PPL: variants seen among roughly 807,000 people sequenced by gnomAD.
PPL encodes 190 kDa paraneoplastic pemphigus antigen.
PPL carries 198 observed loss-of-function variants against 194.4 expected under a neutral mutation model. The observed-to-expected ratio is 1.02, with a 90% confidence interval of 0.91 to 1.15. The LOEUF is 1.15. Ranked by LOEUF, PPL falls within the 50% of genes most tolerant of loss-of-function variation. The probability of loss-of-function intolerance (pLI) is 0.00; values close to 1 mark genes in which losing one functional copy is unlikely to be tolerated. For missense variants in PPL, 2,885 were observed against 2,294.8 expected, an observed-to-expected ratio of 1.26 and a Z score of -5.25; for synonymous variants, 1,220 against 972.4, an observed-to-expected ratio of 1.25 and a Z score of -4.74.
Position 4,883,209 on chromosome 16 carries a change from G to A in PPL, c.*175C>T. ...ATGATGGTTGGGACGAGAGTTGCCT[G>A]TCTTCAGCCAGTGCCTGTCTCATAT... On this transcript the variant is annotated 3_prime_UTR_variant, in exon 22 of 22. Coordinates refer to ENST00000345988, the MANE Select transcript of PPL (RefSeq NM_002705.5). The surrounding 1 kb of genome is among the most constrained non-coding windows in gnomAD (Gnocchi z 4.8). 1 of 791,356 alleles carries A rather than the reference G, an allele frequency of 1.3e-6. No individual in the cohort carries two copies. Among genetic ancestry groups the A allele is most frequent in the Non-Finnish European group, 2.0e-6 (1 of 500,054 alleles). The allele number at this position is 791,356 out of a possible 1,614,324, so 49.0% of individuals were successfully genotyped here.
intron 17 of PPL, 109 bp from the exon 18 acceptor site, chr16:4,890,443 C>G: frequency 1.5e-6 from 2 of 1,335,088 alleles, no homozygotes; most frequent in Admixed American, 2.8e-5. Context: ...CCAGAAATAC[C>G]CCAAGTATCT....
chr16:4,889,241 GTTTTTTTT>G lies in PPL; in HGVS notation c.2314-188_2314-181del, dbSNP rs869094472. ...AAAAGGCAGTTTTTTTGTTGTTGTT[GTTTTTTTT>G]TTTTTTTTTTTTTTTTTTTTTTTTT... On this transcript the variant is annotated intron_variant, in intron 18 of 21. Transcript: ENST00000345988. Among the ~76,000 whole-genome samples, 37 of 66,630 alleles carry G rather than the reference GTTTTTTTT, an allele frequency of 5.6e-4. 1 individual carries two copies. Among genetic ancestry groups the G allele is most frequent in the East Asian group, 1.9e-3 (4 of 2,102 alleles). The allele number at this position is 66,630 out of a possible 152,430, so 43.7% of individuals were successfully genotyped here.
Position 4,884,176 on chromosome 16 carries a change from C to G in PPL, c.4479G>C (p.Ala1493=). 4 of 1,613,980 alleles carry G rather than the reference C, an allele frequency of 2.5e-6. No homozygotes were observed. The highest frequency in any genetic ancestry group is 3.4e-6 in the Non-Finnish European group (4 of 1,180,034). The part of the protein sequence containing the change: ...LRRKLAALEK[A]EVKEKVVLSE... The stretch of plus-strand genomic sequence containing the variant: ...AGAGCACCACCTTCTCCTTGACCTC[C>G]GCCTTCTCCAGTGCAGCCAGTTTCC... The change falls in exon 22 of 22, where the codon GCG becomes GCC. Residue 1493 remains alanine (A), a synonymous_variant. Transcript: ENST00000345988. This position sits in a 1 kb window ranked among gnomAD's most constrained non-coding sequence, Gnocchi z 5.7.
chr16:4,896,244 C>T (rs1199420696), intron 9 of PPL, among the ~76,000 whole-genome samples: 2 of 152,136 alleles, frequency 1.3e-5, no homozygotes. Context: ...AGTGACACGG[C>T]GTCGCCCACA....
intron 9 of PPL, among the ~76,000 whole-genome samples, chr16:4,896,331 C>T (rs963103725): frequency 6.6e-6 from 1 of 152,206 alleles, no homozygotes; most frequent in African/African-American, 2.4e-5. Flanking sequence ...TGGAAACAGA[C>T]AAGTGTCCAG....
At chr16:4,899,201 G>T (rs938236453) in intron 7 of PPL, 22 bp downstream of exon 7, 9 of 1,613,338 alleles carry the variant, frequency 5.6e-6, no homozygotes, top group East Asian at 2.2e-5. Context: ...CCTCCCTGAT[G>T]CCCCAGGCCC....
At chr16:4,888,072 T>G in intron 20 of PPL, 30 bp downstream of exon 20, 4 of 1,552,188 alleles carry the variant, frequency 2.6e-6, no homozygotes, top group Non-Finnish European at 3.6e-6. Flanking sequence ...TCCACCTCAG[T>G]CCCGAGGCCG....
intron 1 of PPL, 95 bp downstream of exon 1, chr16:4,936,888 TA>T: frequency 7.9e-7 from 1 of 1,261,400 alleles, no homozygotes; most frequent in Non-Finnish European, 1.1e-6. Flanking sequence ...TGGACCCCCG[TA>T]CCCCCCATTC....
chr16:4,925,834 A>C (rs960040539), intron 1 of PPL, among the ~76,000 whole-genome samples: 1 of 152,196 alleles, frequency 6.6e-6, no homozygotes, highest in African/African-American at 2.4e-5. Flanking sequence ...CACCCCTTAC[A>C]GACAAAGGGA....
intron 1 of PPL, among the ~76,000 whole-genome samples, chr16:4,932,331 C>A (rs1857002685): frequency 6.6e-6 from 1 of 152,168 alleles, no homozygotes; most frequent in African/African-American, 2.4e-5. Flanking sequence ...GCGTTCCTAC[C>A]AACACTGATC....
Position 4,901,229 on chromosome 16 carries a change from C to G in PPL, c.439-140G>C, listed in dbSNP as rs940544380. On this transcript the variant is annotated intron_variant, in intron 4 of 21. Coordinates refer to ENST00000345988, the MANE Select transcript of PPL (RefSeq NM_002705.5). ...CTGCAGAGCCACAAGGAGATGCTGG[C>G]CACACCTTCAACCCTGAGGTTCTGT... 1.3e-5 allele frequency: 12 copies of G among 910,818 alleles called. No homozygotes were observed. In the African/African-American group the frequency reaches 1.8e-4, roughly 14 times the overall value. The allele number at this position is 910,818 out of a possible 1,614,324, so 56.4% of individuals were successfully genotyped here. A position where few individuals can be genotyped will look rare whatever the true frequency, so the allele number is the denominator to read the frequency against.
chr16:4,888,822 C>CA (rs2088260232), intron 19 of PPL, 156 bp downstream of exon 19: 3 of 720,762 alleles, frequency 4.2e-6, no homozygotes, highest in Non-Finnish European at 7.5e-6. Flanking sequence ...GCTGTTTTCC[C>CA]AAAAGCCTGT....
At chr16:4,919,503 A>T (rs962227554) in intron 1 of PPL, among the ~76,000 whole-genome samples, 2 of 152,016 alleles carry the variant, frequency 1.3e-5, no homozygotes, top group Non-Finnish European at 2.9e-5. Flanking sequence ...GCCTCAAGTG[A>T]TCCTCCCATC....
At chr16:4,923,835 C>A (rs1192242023) in intron 1 of PPL, among the ~76,000 whole-genome samples, 1 of 152,028 alleles carries the variant, frequency 6.6e-6, no homozygotes, top group Non-Finnish European at 1.5e-5. Flanking sequence ...ATTAGGATAA[C>A]TGGGTTTCAT....
At chr16:4,889,807 G>A (rs905832344) in intron 18 of PPL, among the ~76,000 whole-genome samples, 4 of 152,168 alleles carry the variant, frequency 2.6e-5, no homozygotes, top group Non-Finnish European at 4.4e-5. Flanking sequence ...TTGGCTTCCC[G>A]TGTTCCTCCC....
In PPL at chr16:4,893,630, C is replaced by G. The variant is rs141545498; in HGVS notation, c.1403G>C (p.Ser468Thr). 1.3e-6 allele frequency: 2 copies of G among 1,588,436 alleles called. No homozygotes were observed. Among genetic ancestry groups the G allele is most frequent in the Non-Finnish European group, 1.7e-6 (2 of 1,170,534 alleles). ...EALALADSLGSQYRSVRQKAA... is the reference protein window; with the variant it reads ...EALALADSLGTQYRSVRQKAA... ...CTTCTGCCGCACGCTCCGGTACTGG[C>G]TGCCCAGGCTGTGAGGACAGAAATG... Residue 468 changes from serine to threonine, a missense_variant, in exon 13 of 22, where the codon AGC becomes ACC. Transcript: ENST00000345988.
rs1162548398 is a variant in PPL at position 4,892,058 on chromosome 16, C to T, written c.1806G>A (p.Gln602=). Reference sequence around the variant, plus strand: ...ACTTCTCCTGGGCCAAGTCCAGCAGCTGCAGGAGGTGCTCGTATTTCCGGT... The same window carrying T: ...ACTTCTCCTGGGCCAAGTCCAGCAGTTGCAGGAGGTGCTCGTATTTCCGGT... ...DTNRKYEHLL[Q]LLDLAQEKVD... is the part of the protein sequence containing the mutation. The change falls in exon 15 of 22, where the codon CAG becomes CAA. Residue 602 remains glutamine (Q), a synonymous_variant. Transcript: ENST00000345988. 3 of 1,613,628 alleles carry T rather than the reference C, an allele frequency of 1.9e-6. No homozygotes were observed. Among genetic ancestry groups the T allele is most frequent in the South Asian group, 2.2e-5 (2 of 91,084 alleles).
chr16:4,904,504 C>A (rs1450324967), intron 2 of PPL, among the ~76,000 whole-genome samples: 1 of 152,130 alleles, frequency 6.6e-6, no homozygotes, highest in East Asian at 1.9e-4. Context: ...GGACCTACTT[C>A]AGCTCTGGTG....
chr16:4,884,252 T>A lies in PPL; in HGVS notation c.4403A>T (p.Glu1468Val). The A allele has an allele frequency of 6.2e-7, 1 of 1,613,272 alleles. No homozygotes were observed. The highest frequency in any genetic ancestry group is 1.7e-5 in the Admixed American group (1 of 59,596). ...CAGGAGCTGCCGCCGGTGCTGCTCT[T>A]CTTCCAGCTGGAGTCGGAGCAGGGC... ...EHALLRLQLEEEQHRRQLLEG... is the reference protein window; with the variant it reads ...EHALLRLQLEVEQHRRQLLEG... The change falls in exon 22 of 22, where the codon GAA (glutamate) becomes GTA (valine). Residue 1468 changes from glutamate to valine, a missense_variant. Coordinates refer to ENST00000345988, the MANE Select transcript of PPL (RefSeq NM_002705.5). This position sits in a 1 kb window ranked among gnomAD's most constrained non-coding sequence, Gnocchi z 5.7.
Sources: gnomAD v4.1 joint callset for allele counts (sites outside exome capture counted in the v4.1 genomes callset) on GRCh38, gnomAD v4.1.1 for gene constraint, Gnocchi (gnomAD v3.1) non-coding constraint, MANE v1.5 for transcripts, NCBI Gene and HGNC (gene_info 2026-07-23, HGNC 2026-07-21) for gene names.